The following GNG2 variants were observed in gnomAD, a reference collection of about 807,000 sequenced individuals.
The protein encoded by GNG2 is guanine nucleotide-binding protein G(I)/G(S)/G(O) subunit gamma-2.
Under a neutral mutation model 5.5 loss-of-function variants are expected in GNG2, and 5 were observed. The ratio of observed to expected loss-of-function variants is 0.91; its 90% CI spans 0.48 to 1.92. The LOEUF is 1.92. GNG2 is among the 30% of genes most tolerant of loss of function. GNG2 has a pLI of 0.01. For missense variants in GNG2, 55 were observed against 88.4 expected (o/e 0.62, Z 1.52); for synonymous variants, 28 against 32.0 (o/e 0.88, Z 0.42).
intron 2 of GNG2, among the ~76,000 whole-genome samples, chr14:51,938,313 C>G (rs889644122): frequency 3.9e-5 from 6 of 152,134 alleles, no homozygotes; most frequent in African/African-American, 1.4e-4. Context: ...TTTCATGATT[C>G]TTTCTTCATG....
upstream of GNG2, among the ~76,000 whole-genome samples, chr14:51,858,037 T>C (rs1388029074): frequency 6.6e-6 from 1 of 152,190 alleles, no homozygotes; most frequent in Admixed American, 6.5e-5. Flanking sequence ...CATGCATGAA[T>C]GTTAGAGTAT....
At chr14:51,918,808 A>C (rs1886816509) in intron 2 of GNG2, among the ~76,000 whole-genome samples, 1 of 152,128 alleles carries the variant, frequency 6.6e-6, no homozygotes, top group African/African-American at 2.4e-5. Context: ...CATCAAGGAA[A>C]TAGAATTTAG....
chr14:51,827,792 G>A (rs1465058955), exon 2 of GNG2: 1 of 695,058 alleles, frequency 1.4e-6, no homozygotes, highest in South Asian at 1.5e-5. Flanking sequence ...AAGAGATGGT[G>A]TACCTTCAGG....
intron 2 of GNG2, among the ~76,000 whole-genome samples, chr14:51,907,103 C>T (rs1297324526): frequency 6.6e-6 from 1 of 152,142 alleles, no homozygotes; most frequent in African/African-American, 2.4e-5. Flanking sequence ...CTAAGCCACG[C>T]TGGCAGCACA....
chr14:51,840,042 C>T (rs1881442089), intron 2 of GNG2, among the ~76,000 whole-genome samples: 1 of 152,122 alleles, frequency 6.6e-6, no homozygotes, highest in African/African-American at 2.4e-5. Flanking sequence ...CAATTACTTG[C>T]ATCTGGCAAC....
At chr14:51,889,723 G>A (rs1884719780) in intron 2 of GNG2, among the ~76,000 whole-genome samples, 1 of 152,138 alleles carries the variant, frequency 6.6e-6, no homozygotes, top group Non-Finnish European at 1.5e-5. Flanking sequence ...GAACTTTCTA[G>A]CATTAGAAAA....
chr14:51,921,362 A>T (rs560804836), intron 2 of GNG2, among the ~76,000 whole-genome samples: 2 of 152,340 alleles, frequency 1.3e-5, no homozygotes, highest in East Asian at 3.9e-4. Context: ...CCCTGAAAGA[A>T]GGTCACCTCT....
intron 2 of GNG2, among the ~76,000 whole-genome samples, chr14:51,908,582 A>G (rs960519869): frequency 2.0e-5 from 3 of 151,920 alleles, no homozygotes; most frequent in Non-Finnish European, 4.4e-5. Flanking sequence ...AGAGAGAGAG[A>G]GAGAGAAGAG....
intron 3 of GNG2, among the ~76,000 whole-genome samples, chr14:51,954,878 G>A (rs961206911): frequency 2.6e-5 from 4 of 152,092 alleles, no homozygotes; most frequent in Non-Finnish European, 4.4e-5. Flanking sequence ...GTCCTAGAGT[G>A]CCATCTCTGT....
At chr14:51,957,592 C>T (rs1308192964) in intron 3 of GNG2, among the ~76,000 whole-genome samples, 1 of 152,190 alleles carries the variant, frequency 6.6e-6, no homozygotes, top group Non-Finnish European at 1.5e-5. Flanking sequence ...GGACATTCTT[C>T]TACATACTCA....
At chr14:51,880,022 A>G (rs1179811140) in intron 2 of GNG2, among the ~76,000 whole-genome samples, 2 of 152,212 alleles carry the variant, frequency 1.3e-5, no homozygotes, top group African/African-American at 4.8e-5. Flanking sequence ...TCCAACTTTG[A>G]TGAAGCCAAT....
chr14:51,837,519 T>C (rs919201504), intron 2 of GNG2, among the ~76,000 whole-genome samples: 1 of 151,884 alleles, frequency 6.6e-6, no homozygotes, highest in African/African-American at 2.4e-5. Flanking sequence ...TGGGGTCGCA[T>C]GCCTGTAGTT....
At chr14:51,948,870 G>T (rs919098384) in intron 2 of GNG2, among the ~76,000 whole-genome samples, 1 of 151,880 alleles carries the variant, frequency 6.6e-6, no homozygotes, top group Non-Finnish European at 1.5e-5. Context: ...GCCTGTAATC[G>T]CAGCACTTTG....
At chr14:51,950,608 A>T (rs951492316) in intron 2 of GNG2, 42 bp from the exon 3 acceptor site, 8 of 1,247,172 alleles carry the variant, frequency 6.4e-6, no homozygotes, top group South Asian at 6.3e-5. Flanking sequence ...TTGCTGGCTC[A>T]TGAATTCTCT....
At chr14:51,879,750 T>C (rs1883918731) in intron 2 of GNG2, among the ~76,000 whole-genome samples, 1 of 152,212 alleles carries the variant, frequency 6.6e-6, no homozygotes, top group African/African-American at 2.4e-5. Context: ...ATTTTTTAAG[T>C]ATCTGTGTGA....
intron 2 of GNG2, among the ~76,000 whole-genome samples, chr14:51,926,401 A>C (rs1383868958): frequency 1.3e-5 from 2 of 152,246 alleles, no homozygotes; most frequent in Admixed American, 1.3e-4. Context: ...CTCGTGTGTA[A>C]GAAAAAACAA....
chr14:51,966,968 C>CG lies in GNG2; in HGVS notation c.*281_*282insG. The CG allele has an allele frequency of 5.6e-6, 1 of 177,432 alleles. No homozygotes were observed. Among genetic ancestry groups the CG allele is most frequent in the South Asian group, 1.7e-4 (1 of 5,782 alleles). 11.0% of individuals were successfully genotyped at this position (177,432 alleles called of 1,614,324 possible). On this transcript the variant is annotated 3_prime_UTR_variant, in exon 4 of 4. Coordinates refer to ENST00000556766, the MANE Select transcript of GNG2 (RefSeq NM_053064.5). Reference sequence around the variant, plus strand: ...TCTTTTCTGCTATCCCCCAGCCCCCCCCCCAAAATCCTCATGTTTCTGCTT... The same window carrying CG: ...TCTTTTCTGCTATCCCCCAGCCCCCCGCCCCAAAATCCTCATGTTTCTGCTT...
intron 2 of GNG2, among the ~76,000 whole-genome samples, chr14:51,931,103 CAA>C (rs1183576410): frequency 6.6e-6 from 1 of 151,596 alleles, no homozygotes; most frequent in Non-Finnish European, 1.5e-5. Flanking sequence ...GTCTCAAAAA[CAA>C]AAACAAAAGA....
At chr14:51,898,771 T>G (rs1195310514) in intron 2 of GNG2, among the ~76,000 whole-genome samples, 2 of 152,224 alleles carry the variant, frequency 1.3e-5, no homozygotes, top group Non-Finnish European at 2.9e-5. Flanking sequence ...CAACTGCTCC[T>G]GGAACCAAGG....
Sources: allele counts gnomAD v4.1 joint callset (sites outside exome capture counted in the v4.1 genomes callset), GRCh38; gene constraint gnomAD v4.1.1; transcripts MANE v1.5; gene names NCBI Gene and HGNC (gene_info 2026-07-23, HGNC 2026-07-21).